ALG5: variants seen among roughly 807,000 people sequenced by gnomAD.
ALG5 encodes dolichyl-phosphate beta-glucosyltransferase.
In ALG5, 26 loss-of-function variants were observed where a neutral mutation model predicts 51.8. That is an observed-to-expected ratio of 0.50 (90% CI 0.37 to 0.70). The LOEUF (loss-of-function observed/expected upper bound fraction) is 0.70, where lower values mean the gene tolerates loss of function less well. ALG5 is among the 30% of genes least tolerant of loss of function. The pLI is 0.00. For synonymous variants in ALG5, 141 were observed against 136.1 expected (o/e 1.04, Z -0.25); for missense variants, 311 against 399.3 (o/e 0.78, Z 1.88).
At chr13:36,960,969 G>C (rs921252882) in intron 8 of ALG5, among the ~76,000 whole-genome samples, 13 of 151,920 alleles carry the variant, frequency 8.6e-5, no homozygotes, top group Non-Finnish European at 1.8e-4. Flanking sequence ...TCCATAAATG[G>C]AAAGAATTTA....
At chr13:36,989,794 A>G (rs2059017617) in intron 4 of ALG5, among the ~76,000 whole-genome samples, 1 of 152,124 alleles carries the variant, frequency 6.6e-6, no homozygotes, top group African/African-American at 2.4e-5. Flanking sequence ...CCTGCAGAGG[A>G]ACCACCACAG....
chr13:36,979,452 A>T (rs372209226), intron 6 of ALG5, among the ~76,000 whole-genome samples: 37 of 152,344 alleles, frequency 2.4e-4, no homozygotes, highest in African/African-American at 8.9e-4. Flanking sequence ...CACATGGTCC[A>T]CAAAAAAAGG....
At position 36,981,852 on chromosome 13, in the gene ALG5, G is replaced by A. The variant is rs575712447; in HGVS notation, c.561+3775C>T. Among the ~76,000 whole-genome samples the A allele has an allele frequency of 2.8e-4, 43 of 152,316 alleles. No individual in the cohort carries two copies. In the South Asian group the frequency reaches 8.9e-3, roughly 32 times the overall value. On this transcript the variant is annotated intron_variant, in intron 6 of 9. Coordinates refer to ENST00000239891, the MANE Select transcript of ALG5 (RefSeq NM_013338.5). ...CCTGTAATCCCAGCACTTTTGGGAG[G>A]CCGTGGCTGGTGGATCACGAAGTCA... is the stretch of plus-strand genomic sequence containing the variant.
rs566465861 is a variant in ALG5, at chr13:36,990,389, T to G, written c.355-813A>C. ...TCTACAGGCAGCTGTAAAGTTGCTC[T>G]CATCTGGCCTTTGCCCTCCTCTACT... On this transcript the variant is annotated intron_variant, in intron 4 of 9. Coordinates refer to ENST00000239891, the MANE Select transcript of ALG5 (RefSeq NM_013338.5). Among the ~76,000 whole-genome samples the G allele has an allele frequency of 1.1e-4, 16 of 152,218 alleles. 1 individual carries two copies. In the South Asian group the frequency reaches 2.9e-3, roughly 28 times the overall value.
chr13:36,952,168 AT>A (rs1419103224), intron 9 of ALG5, among the ~76,000 whole-genome samples: 1 of 152,220 alleles, frequency 6.6e-6, no homozygotes, highest in African/African-American at 2.4e-5. Flanking sequence ...GATAAAAAAA[AT>A]ATAGGAAATG....
chr13:36,985,873 T>C (rs1044610112), intron 5 of ALG5, 133 bp from the exon 6 acceptor site: 1 of 514,746 alleles, frequency 1.9e-6, no homozygotes, highest in Non-Finnish European at 3.4e-6. Context: ...AGGCCAGAGT[T>C]CACTGAAAAC....
chr13:36,955,283 T>G (rs2058834465), intron 8 of ALG5, among the ~76,000 whole-genome samples: 1 of 152,190 alleles, frequency 6.6e-6, no homozygotes. Context: ...AATCAGAGGC[T>G]CTGCGCATGG....
chr13:36,974,116 T>C (rs1027262119), intron 6 of ALG5, among the ~76,000 whole-genome samples: 1 of 152,244 alleles, frequency 6.6e-6, no homozygotes, highest in Non-Finnish European at 1.5e-5. Context: ...AAGGTCTTTA[T>C]GCATAAATAT....
At chr13:36,986,395 G>GA (rs2059002002) in intron 5 of ALG5, among the ~76,000 whole-genome samples, 1 of 152,156 alleles carries the variant, frequency 6.6e-6, no homozygotes, top group African/African-American at 2.4e-5. Context: ...ATTTCATACA[G>GA]AAATAAACTG....
At chr13:36,982,538 C>T (rs543962607) in intron 6 of ALG5, among the ~76,000 whole-genome samples, 1 of 152,306 alleles carries the variant, frequency 6.6e-6, no homozygotes, top group Non-Finnish European at 1.5e-5. Flanking sequence ...TGAGCAGCTG[C>T]CACAGAGGCT....
intron 7 of ALG5, among the ~76,000 whole-genome samples, chr13:36,971,137 T>C (rs1328588664): frequency 1.3e-5 from 2 of 152,188 alleles, no homozygotes. Flanking sequence ...CTAGTTTTTC[T>C]AGCATAACCT....
chr13:36,988,524 C>T (rs578074114), intron 5 of ALG5, among the ~76,000 whole-genome samples: 1 of 152,334 alleles, frequency 6.6e-6, no homozygotes, highest in South Asian at 2.1e-4. Flanking sequence ...AGGTTAAAAG[C>T]ATGGCTTTCA....
At chr13:36,988,875 A>G (rs961343665) in intron 5 of ALG5, among the ~76,000 whole-genome samples, 4 of 152,212 alleles carry the variant, frequency 2.6e-5, no homozygotes, top group Non-Finnish European at 5.9e-5. Flanking sequence ...TTTATGAGGG[A>G]AAAATAAATA....
intron 6 of ALG5, among the ~76,000 whole-genome samples, chr13:36,981,994 G>A (rs1593678158): frequency 6.6e-6 from 1 of 152,226 alleles, no homozygotes; most frequent in Non-Finnish European, 1.5e-5. Flanking sequence ...GGGAGGCTGA[G>A]GCAGGAGAAT....
At chr13:36,993,581 A>G (rs750997369) in intron 4 of ALG5, 23 bp downstream of exon 4, 224 of 1,597,852 alleles carry the variant, frequency 1.4e-4, no homozygotes, top group Non-Finnish European at 1.9e-4. Flanking sequence ...ACTATTGTCA[A>G]TTCTAAAAGC....
intron 8 of ALG5, among the ~76,000 whole-genome samples, chr13:36,960,160 C>G (rs922319244): frequency 3.3e-5 from 5 of 152,100 alleles, no homozygotes; most frequent in Admixed American, 2.0e-4. Flanking sequence ...CTATGACTAT[C>G]AATACTGACA....
Position 36,996,955 on chromosome 13 carries a change from G to A in ALG5, c.67-1359C>T, listed in dbSNP as rs546816442. Among the ~76,000 whole-genome samples, 14 of 152,180 alleles carry A rather than the reference G, an allele frequency of 9.2e-5. No individual in the cohort carries two copies. The Middle Eastern group carries it at 0.01, about 111-fold the overall frequency. ...ATCCATCTTAACACCAGAGACAAAT[G>A]GCCATTACATGACTCCTGATGAGAC... On this transcript the variant is annotated intron_variant, in intron 1 of 9. Coordinates refer to ENST00000239891, the MANE Select transcript of ALG5 (RefSeq NM_013338.5).
rs1207203101 is a variant in ALG5, at chr13:36,949,960, T to G, written c.957A>C (p.Gln319His). 2.5e-6 allele frequency: 4 copies of G among 1,610,982 alleles called. No individual in the cohort carries two copies. The highest frequency in any genetic ancestry group is 1.6e-4 in the Middle Eastern group (1 of 6,074). ...RYLTGAWRLE[Q>H]TRKMN is the part of the protein sequence containing the mutation. ...AAACAACCTAATTCATTTTCCGAGT[T>G]TGCTCAAGCCTCCAGGCACCAGTCA... Residue 319 changes from glutamine to histidine, a missense_variant, in exon 10 of 10, where the codon CAA becomes CAC. Transcript: ENST00000239891.
At chr13:36,990,131 C>T (rs149002424) in intron 4 of ALG5, among the ~76,000 whole-genome samples, 1,860 of 152,338 alleles carry the variant, frequency 0.012, 17 homozygotes, top group Middle Eastern at 0.099. Flanking sequence ...CTCAGACTTG[C>T]TCAAGCTGCC....
Sources: allele counts gnomAD v4.1 joint callset (sites outside exome capture counted in the v4.1 genomes callset), GRCh38; gene constraint gnomAD v4.1.1; transcripts MANE v1.5; gene names NCBI Gene and HGNC (gene_info 2026-07-23, HGNC 2026-07-21).